The following C10orf67 variants were observed in gnomAD, a reference collection of about 807,000 sequenced individuals.
C10orf67 encodes chromosome 10 open reading frame 67.
C10orf67 carries 60 observed loss-of-function variants against 35.6 expected under a neutral mutation model. The observed-to-expected ratio is 1.68, with a 90% CI of 1.37 to 2.09. The LOEUF is 2.09. Ranked by LOEUF, C10orf67 falls within the 30% of genes most tolerant of loss-of-function variation. The pLI, the probability that C10orf67 is intolerant of heterozygous loss-of-function variation, is 0.00. For synonymous variants in C10orf67, 167 were observed against 115.8 expected (o/e 1.44, Z -2.84); for missense variants, 474 against 330.2 (o/e 1.44, Z -3.38).
intron 15 of C10orf67, among the ~76,000 whole-genome samples, chr10:23,217,521 A>G (rs780138842): frequency 1.3e-5 from 2 of 152,186 alleles, no homozygotes; most frequent in African/African-American, 2.4e-5. Flanking sequence ...TGTTACTACC[A>G]TAATGGCTTA....
At chr10:23,253,974 T>C (rs1842534875) in intron 10 of C10orf67, among the ~76,000 whole-genome samples, 1 of 152,250 alleles carries the variant, frequency 6.6e-6, no homozygotes, top group Non-Finnish European at 1.5e-5. Context: ...ATCCTGGCTC[T>C]GTCCACATTA....
chr10:23,250,116 TTA>T (rs1170822624), intron 12 of C10orf67, among the ~76,000 whole-genome samples: 1 of 152,164 alleles, frequency 6.6e-6, no homozygotes, highest in Admixed American at 6.5e-5. Context: ...TACAAACTAG[TTA>T]TATATCATTG....
chr10:23,293,393 A>G (rs888707986), intron 5 of C10orf67, among the ~76,000 whole-genome samples: 9 of 152,118 alleles, frequency 5.9e-5, no homozygotes, highest in Middle Eastern at 3.2e-3. Flanking sequence ...GAGGACACTC[A>G]TTAGCAAAAT....
chr10:23,216,019 T>C lies in C10orf67; in HGVS notation c.1570+7579A>G, dbSNP rs79830582. On this transcript the variant is annotated intron_variant, in intron 15 of 15. Coordinates refer to ENST00000636213, the MANE Select transcript of C10orf67 (RefSeq NM_001371909.1). ...ATACTTCATGATGACACTTTAGAAA[T>C]TATCCTGTTAGAGAGAGAAACCAAA... 3.0e-3 allele frequency among the ~76,000 whole-genome samples: 461 copies of C among 152,274 alleles called. 12 individuals are homozygous for C. In the East Asian group the frequency reaches 0.05, roughly 17 times the overall value.
chr10:23,220,294 T>C (rs189084822), intron 15 of C10orf67, among the ~76,000 whole-genome samples: 4 of 152,328 alleles, frequency 2.6e-5, no homozygotes, highest in Admixed American at 2.6e-4. Flanking sequence ...GATTATACTA[T>C]GAACAGCTCA....
At chr10:23,256,506 T>G (rs1474384619) in intron 10 of C10orf67, among the ~76,000 whole-genome samples, 1 of 152,188 alleles carries the variant, frequency 6.6e-6, no homozygotes, top group Non-Finnish European at 1.5e-5. Flanking sequence ...ATGAGAGCCA[T>G]GAACAGTTCA....
chr10:23,311,262 T>C (rs1206949834), intron 4 of C10orf67, among the ~76,000 whole-genome samples: 1 of 152,190 alleles, frequency 6.6e-6, no homozygotes, highest in Non-Finnish European at 1.5e-5. Context: ...TTAGTTTAAA[T>C]CCCAGCCTAA....
chr10:23,302,426 C>T (rs1437029815), intron 5 of C10orf67, among the ~76,000 whole-genome samples: 1 of 152,128 alleles, frequency 6.6e-6, no homozygotes, highest in Non-Finnish European at 1.5e-5. Flanking sequence ...CTTAACCACC[C>T]TGTCTCTGCC....
downstream of C10orf67, chr10:23,202,199 C>T (rs1029905842): frequency 1.3e-5 from 2 of 152,254 alleles, no homozygotes; most frequent in Non-Finnish European, 2.9e-5. Flanking sequence ...TTCCATGATG[C>T]ACTTAATGTG....
intron 15 of C10orf67, among the ~76,000 whole-genome samples, chr10:23,218,966 T>C (rs1359623526): frequency 6.6e-6 from 1 of 152,202 alleles, no homozygotes; most frequent in African/African-American, 2.4e-5. Context: ...ACTTACAATT[T>C]CTTACGTGAT....
chr10:23,273,935 C>T (rs1378936299), intron 8 of C10orf67, among the ~76,000 whole-genome samples: 2 of 152,124 alleles, frequency 1.3e-5, no homozygotes, highest in Non-Finnish European at 2.9e-5. Flanking sequence ...AATGTAGGTT[C>T]TTTCTATTTT....
intron 5 of C10orf67, among the ~76,000 whole-genome samples, chr10:23,293,361 CTA>C (rs1251164476): frequency 6.6e-6 from 1 of 152,174 alleles, no homozygotes; most frequent in African/African-American, 2.4e-5. Flanking sequence ...AAGTAATTAA[CTA>C]TTCAGACGCC....
chr10:23,239,447 A>G (rs1842125579), intron 13 of C10orf67, among the ~76,000 whole-genome samples: 1 of 152,204 alleles, frequency 6.6e-6, no homozygotes, highest in South Asian at 2.1e-4. Context: ...GATATGCTCC[A>G]GGCAGAATGA....
intron 13 of C10orf67, among the ~76,000 whole-genome samples, chr10:23,235,179 TCATA>T (rs1348691390): frequency 3.9e-5 from 6 of 152,194 alleles, no homozygotes; most frequent in African/African-American, 1.4e-4. Context: ...GGAAATAGAC[TCATA>T]CATAGTCAAT....
chr10:23,245,102 TG>T (rs1458158221), intron 12 of C10orf67, among the ~76,000 whole-genome samples: 1 of 152,020 alleles, frequency 6.6e-6, no homozygotes, highest in Non-Finnish European at 1.5e-5. Context: ...GAATATACAA[TG>T]GGGGAAAGGA....
intron 6 of C10orf67, 138 bp from the exon 7 acceptor site, chr10:23,290,096 C>T (rs981884929): frequency 1.7e-6 from 1 of 590,482 alleles, no homozygotes; most frequent in Non-Finnish European, 3.0e-6. Flanking sequence ...GTGACCTTCA[C>T]AACTGCCCTT....
intron 4 of C10orf67, chr10:23,318,146 CAAAGA>C (rs1844804579): frequency 7.1e-5 from 1 of 14,006 alleles, no homozygotes; most frequent in Non-Finnish European, 1.2e-4. Flanking sequence ...AAAAGCAAAA[CAAAGA>C]AAAAAAAAAA....
At chr10:23,340,954 T>C (rs942987856) in intron 1 of C10orf67, among the ~76,000 whole-genome samples, 3 of 152,212 alleles carry the variant, frequency 2.0e-5, no homozygotes, top group African/African-American at 7.2e-5. Flanking sequence ...AATCCTAGAA[T>C]TGTCCATCCT....
chr10:23,222,148 G>A lies in C10orf67; in HGVS notation c.1570+1450C>T, dbSNP rs967471230. Among the ~76,000 whole-genome samples, 8 of 152,262 alleles carry A rather than the reference G, an allele frequency of 5.3e-5. No individual in the cohort carries two copies. The South Asian group carries it at 1.2e-3, about 24-fold the overall frequency. On this transcript the variant is annotated intron_variant, in intron 15 of 15. Coordinates refer to ENST00000636213, the MANE Select transcript of C10orf67 (RefSeq NM_001371909.1). ...TAGGAGGATTTTCAGTAGACAGAGC[G>A]GAAATAACTCTACATTTTGCATTTT...
Sources: allele counts gnomAD v4.1 joint callset (sites outside exome capture counted in the v4.1 genomes callset), GRCh38; gene constraint gnomAD v4.1.1; transcripts MANE v1.5; gene names NCBI Gene and HGNC (gene_info 2026-07-23, HGNC 2026-07-21).